The following PRPF8 variants were observed in gnomAD, a reference collection of about 807,000 sequenced individuals.
The protein encoded by PRPF8 is pre-mRNA-processing-splicing factor 8.
PRPF8 carries 64 observed loss-of-function variants against 285.9 expected under a neutral mutation model. The ratio of observed to expected loss-of-function variants is 0.22; its 90% confidence interval spans 0.18 to 0.28. PRPF8 has a LOEUF of 0.28. Ranked by LOEUF, PRPF8 falls within the 10% of genes least tolerant of loss-of-function variation. The pLI is 1.00. For synonymous variants in PRPF8, 1,325 were observed against 1,118.2 expected (o/e 1.18, Z -3.69); for missense variants, 1,426 against 3,026.7 (o/e 0.47, Z 12.41).
Position 1,661,679 on chromosome 17 carries a change from C to T in PRPF8, c.4134G>A (p.Glu1378=), listed in dbSNP as rs1305686126. The T allele has an allele frequency of 6.2e-7, 1 of 1,614,168 alleles. No homozygotes were observed. Among genetic ancestry groups the T allele is most frequent in the Non-Finnish European group, 8.5e-7 (1 of 1,180,030 alleles). Residue 1378 remains glutamate, a synonymous_variant, in exon 26 of 43, where the codon GAG becomes GAA. Coordinates refer to ENST00000304992, the MANE Select transcript of PRPF8 (RefSeq NM_006445.4). The surrounding 1 kb of genome is among the most constrained non-coding windows in gnomAD (Gnocchi z 7.3). Reference sequence around the variant, plus strand: ...CCCAGACCCGCTGAGAATCAATGAACTCGCTCTCCCATGGCTGTATGTAGC... The same window carrying T: ...CCCAGACCCGCTGAGAATCAATGAATTCGCTCTCCCATGGCTGTATGTAGC... ...LYRYIQPWES[E]FIDSQRVWAE...
chr17:1,675,544 C>T lies in PRPF8; in HGVS notation c.2872+76G>A. On this transcript the variant is annotated intron_variant, in intron 19 of 42. Transcript: ENST00000304992. The surrounding 1 kb of genome is among the most constrained non-coding windows in gnomAD (Gnocchi z 6.0). ...GCATCAAGAGAGTAAACCAATCATG[C>T]TACCCAGATGAGATTTTTGACGTAG... is the stretch of plus-strand genomic sequence containing the variant. 2 of 1,580,942 alleles carry T rather than the reference C, an allele frequency of 1.3e-6. No homozygotes were observed. Among genetic ancestry groups the T allele is most frequent in the East Asian group, 2.2e-5 (1 of 44,714 alleles).
At chr17:1,656,874 G>T in intron 34 of PRPF8, 113 bp from the exon 35 acceptor site, 3 of 980,868 alleles carry the variant, frequency 3.1e-6, no homozygotes, top group Non-Finnish European at 3.1e-6. Flanking sequence ...GAACACTGAT[G>T]TTAAATGTTA....
At position 1,651,419 on chromosome 17, in the gene PRPF8, T is replaced by C. The variant is rs143748924; in HGVS notation, c.6645A>G (p.Thr2215=). ...SWDGEKTIII[T]CSFTPGSCTL... Reference sequence around the variant, plus strand: ...CCCAAGGAGCCCAGGCCCACCTGCATGTGATGATAATGGTCTTCTCGCCAT... The same window carrying C: ...CCCAAGGAGCCCAGGCCCACCTGCACGTGATGATAATGGTCTTCTCGCCAT... Residue 2215 remains threonine (T), a synonymous_variant, in exon 41 of 43, where the codon ACA becomes ACG. Coordinates refer to ENST00000304992, the MANE Select transcript of PRPF8 (RefSeq NM_006445.4). The surrounding 1 kb of genome is among the most constrained non-coding windows in gnomAD (Gnocchi z 5.1). 130 of 1,614,134 alleles carry C rather than the reference T, an allele frequency of 8.1e-5. No homozygotes were observed. The East Asian group carries it at 2.5e-3, about 32-fold the overall frequency.
Position 1,680,947 on chromosome 17 carries a change from T to G in PRPF8, c.974A>C (p.His325Pro), listed in dbSNP as rs1223095268. ...AFPYLYNNLP[H>P]HVHLTWYHTP... ...CTCTTACCAGGTGAGGTGGACATGG[T>G]GTGGAAGATTGTTGTACAAGTAAGG... Residue 325 changes from histidine to proline, a missense_variant, in exon 7 of 43, where the codon CAC (histidine) becomes CCC (proline). This residue lies in a region of PRPF8 where 157 missense variants were observed against 159.6 expected (regional missense o/e 0.98). Coordinates refer to ENST00000304992, the MANE Select transcript of PRPF8 (RefSeq NM_006445.4). 6.2e-7 allele frequency: 1 copy of G among 1,614,174 alleles called. No individual in the cohort carries two copies. The highest frequency in any genetic ancestry group is 8.5e-7 in the Non-Finnish European group (1 of 1,180,030).
intron 24 of PRPF8, among the ~76,000 whole-genome samples, chr17:1,668,195 G>C (rs773564206): frequency 7.9e-5 from 12 of 152,134 alleles, no homozygotes; most frequent in Non-Finnish European, 1.8e-4. Flanking sequence ...CTAACCACTA[G>C]AGTCAACTGC....
In PRPF8 at chr17:1,661,539, C is replaced by A; in HGVS notation, c.4202+72G>T. 1 of 1,609,884 alleles carries A rather than the reference C, an allele frequency of 6.2e-7. No individual in the cohort carries two copies. ...CCATACAACCATGGCATGCTCTGAC[C>A]CTGAACTCCACACGGTTCAAAGGCC... On this transcript the variant is annotated intron_variant, in intron 26 of 42. Coordinates refer to ENST00000304992, the MANE Select transcript of PRPF8 (RefSeq NM_006445.4). This position sits in a 1 kb window ranked among gnomAD's most constrained non-coding sequence, Gnocchi z 7.3.
chr17:1,683,732 A>C, intron 2 of PRPF8, 31 bp from the exon 3 acceptor site: 1 of 1,612,506 alleles, frequency 6.2e-7, no homozygotes, highest in Non-Finnish European at 8.5e-7. Flanking sequence ...AAAGGCCTGC[A>C]CACCCTCCCC....
intron 24 of PRPF8, among the ~76,000 whole-genome samples, chr17:1,667,538 CTTTTTTTTT>C (rs34888623): frequency 9.8e-6 from 1 of 102,028 alleles, no homozygotes; most frequent in African/African-American, 4.6e-5. Context: ...CATGACATAG[CTTTTTTTTT>C]TTTTTTTTTT....
chr17:1,661,479 A>G lies in PRPF8; in HGVS notation c.4203-73T>C. The G allele has an allele frequency of 1.2e-6, 2 of 1,611,968 alleles. No homozygotes were observed. The highest frequency in any genetic ancestry group is 3.3e-5 in the Admixed American group (2 of 59,984). Reference sequence around the variant, plus strand: ...AGCTCAGCACTCCTTCCTGGCCAAAAATAATTAGGGTCAGTAGAACCAGCC... The same window carrying G: ...AGCTCAGCACTCCTTCCTGGCCAAAGATAATTAGGGTCAGTAGAACCAGCC... On this transcript the variant is annotated intron_variant, in intron 26 of 42. Coordinates refer to ENST00000304992, the MANE Select transcript of PRPF8 (RefSeq NM_006445.4). This position sits in a 1 kb window ranked among gnomAD's most constrained non-coding sequence, Gnocchi z 7.3.
chr17:1,676,444 C>G lies in PRPF8; in HGVS notation c.2388+61G>C. 6.2e-7 allele frequency: 1 copy of G among 1,613,872 alleles called. No homozygotes were observed. Among genetic ancestry groups the G allele is most frequent in the Non-Finnish European group, 8.5e-7 (1 of 1,179,930 alleles). ...AGAACAAGGTTCAGTCACAACTCTA[C>G]AGTCCTCCCTCTTGCCCACTCCCCC... On this transcript the variant is annotated intron_variant, in intron 16 of 42. Coordinates refer to ENST00000304992, the MANE Select transcript of PRPF8 (RefSeq NM_006445.4). This position sits in a 1 kb window ranked among gnomAD's most constrained non-coding sequence, Gnocchi z 6.3.
Position 1,676,926 on chromosome 17 carries a change from T to C in PRPF8, c.2181+50A>G, listed in dbSNP as rs764570389. ...CTAATGATTCCCGAAGTGGTAATCC[T>C]ACCCTAAAGACGGATGTTTACGCCT... On this transcript the variant is annotated intron_variant, in intron 15 of 42. Coordinates refer to ENST00000304992, the MANE Select transcript of PRPF8 (RefSeq NM_006445.4). The surrounding 1 kb of genome is among the most constrained non-coding windows in gnomAD (Gnocchi z 6.3). 3.5e-5 allele frequency: 56 copies of C among 1,603,262 alleles called. No individual in the cohort carries two copies. Among genetic ancestry groups the C allele is most frequent in the Non-Finnish European group, 4.4e-5 (52 of 1,174,098 alleles).
At chr17:1,680,122 G>A (rs1471416800) in intron 8 of PRPF8, among the ~76,000 whole-genome samples, 1 of 152,060 alleles carries the variant, frequency 6.6e-6, no homozygotes, top group Non-Finnish European at 1.5e-5. Flanking sequence ...GGACACAACG[G>A]AACACAGATG....
At chr17:1,677,428 C>T (rs1476975776) in intron 14 of PRPF8, 137 bp downstream of exon 14, 2 of 1,328,726 alleles carry the variant, frequency 1.5e-6, no homozygotes, top group African/African-American at 2.9e-5. Flanking sequence ...AATACTAGGT[C>T]AGACTCATTT....
intron 24 of PRPF8, among the ~76,000 whole-genome samples, chr17:1,668,197 G>C (rs1912098467): frequency 1.3e-5 from 2 of 152,114 alleles, no homozygotes; most frequent in African/African-American, 4.8e-5. Context: ...AACCACTAGA[G>C]TCAACTGCAT....
At chr17:1,669,093 C>T (rs968763421) in intron 24 of PRPF8, among the ~76,000 whole-genome samples, 3 of 152,098 alleles carry the variant, frequency 2.0e-5, no homozygotes, top group Admixed American at 2.0e-4. Context: ...CTCTGCACCT[C>T]TGCTCATCAA....
chr17:1,661,864 C>G lies in PRPF8; in HGVS notation c.4022+42G>C, dbSNP rs748022558. On this transcript the variant is annotated intron_variant, in intron 25 of 42. Transcript: ENST00000304992. The surrounding 1 kb of genome is among the most constrained non-coding windows in gnomAD (Gnocchi z 7.3). ...AAAGAAATACCCACTTCCCTTAGGGCCTGAGCAATAGGGTTTAGAAATACG... is the reference window on the plus strand; with the variant it reads ...AAAGAAATACCCACTTCCCTTAGGGGCTGAGCAATAGGGTTTAGAAATACG... 2 of 1,614,144 alleles carry G rather than the reference C, an allele frequency of 1.2e-6. No homozygotes were observed. The highest frequency in any genetic ancestry group is 1.7e-6 in the Non-Finnish European group (2 of 1,180,036).
Position 1,676,790 on chromosome 17 carries a change from A to AG in PRPF8, c.2182-80dup. The AG allele has an allele frequency of 2.6e-6, 4 of 1,539,094 alleles. No individual in the cohort carries two copies. The highest frequency in any genetic ancestry group is 3.6e-6 in the Non-Finnish European group (4 of 1,118,918). On this transcript the variant is annotated intron_variant, in intron 15 of 42. Coordinates refer to ENST00000304992, the MANE Select transcript of PRPF8 (RefSeq NM_006445.4). This position sits in a 1 kb window ranked among gnomAD's most constrained non-coding sequence, Gnocchi z 6.3. ...ACATCTGTAGTCCCGGCTACTCAGG[A>AG]GGCTAAGGAGGATCGCTTGAGCTCA...
At position 1,660,998 on chromosome 17, in the gene PRPF8, A is replaced by G. The variant is rs34536905; in HGVS notation, c.4503T>C (p.Leu1501=). 1,033 of 1,613,928 alleles carry G rather than the reference A, an allele frequency of 6.4e-4. 12 individuals carry two copies. The African/African-American group carries it at 0.012, about 19-fold the overall frequency. ...KGTYFPTWEG[L]FWEKASGFEE... ...TAAGAGAGGAGAATCCTCACCAGAAAAGCCCCTCCCAGGTAGGGAAGTAAG... is the reference window on the plus strand; with the variant it reads ...TAAGAGAGGAGAATCCTCACCAGAAGAGCCCCTCCCAGGTAGGGAAGTAAG... Residue 1501 remains leucine (L), a synonymous_variant, in exon 28 of 43, where the codon CTT becomes CTC. Coordinates refer to ENST00000304992, the MANE Select transcript of PRPF8 (RefSeq NM_006445.4).
Position 1,661,955 on chromosome 17 carries a change from G to A in PRPF8, c.3973C>T (p.Leu1325Phe), listed in dbSNP as rs1253532397. The A allele has an allele frequency of 6.2e-7, 1 of 1,614,138 alleles. No individual in the cohort carries two copies. The highest frequency in any genetic ancestry group is 8.5e-7 in the Non-Finnish European group (1 of 1,180,022). The part of the protein sequence containing the change: ...VFYTPKELGG[L>F]GMLSMGHVLI... ...ACATGGCCCATTGAGAGCATGCCGA[G>A]TCCACCCAACTCCTTAGGGGTGTAG... The change falls in exon 25 of 43, where the codon CTC (leucine) becomes TTC (phenylalanine). Residue 1325 changes from leucine (L) to phenylalanine (F), a missense_variant. Leu to Phe is a conservative substitution (Grantham distance 22). Transcript: ENST00000304992. The surrounding 1 kb of genome is among the most constrained non-coding windows in gnomAD (Gnocchi z 7.3).
Sources: gnomAD v4.1 joint callset for allele counts (sites outside exome capture counted in the v4.1 genomes callset) on GRCh38, gnomAD v4.1.1 for gene constraint, gnomAD v4.1.1 regional missense constraint, Gnocchi (gnomAD v3.1) non-coding constraint, MANE v1.5 for transcripts, NCBI Gene and HGNC (gene_info 2026-07-23, HGNC 2026-07-21) for gene names.